The following ARIH2 variants were observed in gnomAD, a reference collection of about 807,000 sequenced individuals.
The protein encoded by ARIH2 is E3 ubiquitin-protein ligase ARIH2.
Under a neutral mutation model 79.8 loss-of-function variants are expected in ARIH2, and 12 were observed. The observed-to-expected ratio is 0.15, with a 90% CI of 0.10 to 0.24. The LOEUF is 0.24. Ranked by LOEUF, ARIH2 falls within the 10% of genes least tolerant of loss-of-function variation. The pLI is 1.00. For missense variants in ARIH2, 301 were observed against 618.3 expected, an observed-to-expected ratio of 0.49 and a Z score of 5.44; for synonymous variants, 224 against 213.9, an observed-to-expected ratio of 1.05 and a Z score of -0.41.
intron 3 of ARIH2, among the ~76,000 whole-genome samples, chr3:48,929,305 A>G (rs1481043185): frequency 1.3e-5 from 2 of 150,930 alleles, no homozygotes; most frequent in African/African-American, 4.9e-5. Flanking sequence ...TGAGGGGCCC[A>G]AGCACCTGTC....
intron 3 of ARIH2, among the ~76,000 whole-genome samples, chr3:48,936,904 T>C (rs1245455612): frequency 2.0e-5 from 3 of 151,540 alleles, no homozygotes; most frequent in South Asian, 4.2e-4. Context: ...GGCAGGCGCC[T>C]ATAGTCCCAG....
intron 11 of ARIH2, among the ~76,000 whole-genome samples, chr3:48,978,186 G>T (rs2092605564): frequency 6.6e-6 from 1 of 151,798 alleles, no homozygotes; most frequent in Non-Finnish European, 1.5e-5. Context: ...CAAAACTGTG[G>T]TTGGCTTCTC....
chr3:48,960,255 T>C (rs978107232), intron 3 of ARIH2, among the ~76,000 whole-genome samples: 1 of 152,162 alleles, frequency 6.6e-6, no homozygotes, highest in Non-Finnish European at 1.5e-5. Context: ...GATTATAACA[T>C]GTAGATGCTT....
intron 12 of ARIH2, 200 bp downstream of exon 12, chr3:48,979,833 G>T (rs1377255394): frequency 2.8e-5 from 15 of 534,804 alleles, no homozygotes; most frequent in Non-Finnish European, 1.9e-5. Context: ...CAACAGGGAA[G>T]GACCTGGTAC....
Position 48,974,880 on chromosome 3 carries a change from C to T in ARIH2, c.939+13C>T, listed in dbSNP as rs1441246666. 1 of 1,614,170 alleles carries T rather than the reference C, an allele frequency of 6.2e-7. No homozygotes were observed. Among genetic ancestry groups the T allele is most frequent in the Non-Finnish European group, 8.5e-7 (1 of 1,180,020 alleles). Reference sequence around the variant, plus strand: ...CTGCAATCACATGGTGAGCAGAAGCCTCTGCAGTTTGCATGTGTGACATGG... The same window carrying T: ...CTGCAATCACATGGTGAGCAGAAGCTTCTGCAGTTTGCATGTGTGACATGG... On this transcript the variant is annotated intron_variant, in intron 10 of 15. Transcript: ENST00000356401.
intron 3 of ARIH2, among the ~76,000 whole-genome samples, chr3:48,939,087 C>T (rs1289893361): frequency 2.0e-5 from 3 of 151,992 alleles, no homozygotes; most frequent in Non-Finnish European, 4.4e-5. Context: ...CCTGCCTCAG[C>T]CTCCTGAGTA....
intron 3 of ARIH2, among the ~76,000 whole-genome samples, chr3:48,937,904 G>C (rs901351243): frequency 6.6e-6 from 1 of 151,978 alleles, no homozygotes; most frequent in Admixed American, 6.6e-5. Context: ...AAAATTAGCC[G>C]GTCGTAGTGG....
Position 48,931,074 on chromosome 3 carries a change from T to A in ARIH2, c.255+3261T>A, listed in dbSNP as rs1274360978. On this transcript the variant is annotated intron_variant, in intron 3 of 15. Coordinates refer to ENST00000356401, the MANE Select transcript of ARIH2 (RefSeq NM_006321.4). Reference sequence around the variant, plus strand: ...CCATTTGGGATTTGAAGTCTCTTTTTAAAAATTATTATTTAAAAAAAAATT... The same window carrying A: ...CCATTTGGGATTTGAAGTCTCTTTTAAAAAATTATTATTTAAAAAAAAATT... 2.6e-5 allele frequency among the ~76,000 whole-genome samples: 4 copies of A among 152,232 alleles called. No homozygotes were observed. The South Asian group carries it at 6.2e-4, about 24-fold the overall frequency.
chr3:48,981,472 G>A (rs534238353), intron 13 of ARIH2, among the ~76,000 whole-genome samples, 188 bp from the exon 14 acceptor site: 2 of 152,228 alleles, frequency 1.3e-5, no homozygotes, highest in South Asian at 2.1e-4. Flanking sequence ...TGTGACCATC[G>A]TTGTTTGTTT....
At position 48,984,311 on chromosome 3, in the gene ARIH2, CT is replaced by C. The variant is rs1452434684; in HGVS notation, c.*1044del. The C allele has an allele frequency of 1.3e-5, 2 of 152,654 alleles. No individual in the cohort carries two copies. The highest frequency in any genetic ancestry group is 4.8e-5 in the African/African-American group (2 of 41,428). The allele number at this position is 152,654 out of a possible 1,614,324, so 9.5% of individuals were successfully genotyped here. A position where few individuals can be genotyped will look rare whatever the true frequency, so the allele number is the denominator to read the frequency against. ...GGATAGCCCTTCCTAGGGCACTGGA[CT>C]TTCTGGCATGGGGGCTGTGTTTGCA... On this transcript the variant is annotated 3_prime_UTR_variant, in exon 16 of 16. Coordinates refer to ENST00000356401, the MANE Select transcript of ARIH2 (RefSeq NM_006321.4).
At chr3:48,945,097 T>C (rs1410908060) in intron 3 of ARIH2, 1 of 1,288,582 alleles carries the variant, frequency 7.8e-7, no homozygotes, top group East Asian at 5.5e-5. Flanking sequence ...AAGTAAGAAT[T>C]CTAAATAAAA....
intron 3 of ARIH2, among the ~76,000 whole-genome samples, chr3:48,928,753 G>C (rs1379831453): frequency 6.6e-6 from 1 of 151,478 alleles, no homozygotes; most frequent in Admixed American, 6.6e-5. Flanking sequence ...TCCCCAGATG[G>C]TTGGCAAAGG....
intron 12 of ARIH2, 107 bp from the exon 13 acceptor site, chr3:48,980,246 A>G: frequency 8.9e-7 from 1 of 1,126,550 alleles, no homozygotes; most frequent in East Asian, 2.4e-5. Context: ...AAGTTAGAGG[A>G]GTCTGTGGCC....
rs2107731262 is a variant in ARIH2 at position 48,985,850 on chromosome 3, G to A, written c.*2580G>A. On this transcript the variant is annotated 3_prime_UTR_variant, in exon 16 of 16. Coordinates refer to ENST00000356401, the MANE Select transcript of ARIH2 (RefSeq NM_006321.4). ...GTTGTGGTAGAGTACTGATATAAAT[G>A]TCCCAACCCCCCCATTCTGAGACCT... 1 of 152,302 alleles carries A rather than the reference G, an allele frequency of 6.6e-6. No homozygotes were observed. 9.4% of individuals were successfully genotyped at this position (152,302 alleles called of 1,614,324 possible).
chr3:48,934,763 C>T (rs2086883306), intron 3 of ARIH2: 2 of 985,276 alleles, frequency 2.0e-6, no homozygotes, highest in Admixed American at 6.2e-5. Flanking sequence ...GCAAAGATGT[C>T]CTTGTCTTGC....
chr3:48,965,250 C>T (rs1038889707), intron 5 of ARIH2, among the ~76,000 whole-genome samples: 1 of 151,820 alleles, frequency 6.6e-6, no homozygotes, highest in African/African-American at 2.4e-5. Flanking sequence ...GTCCCAGCTA[C>T]TCGGGAGGCT....
intron 12 of ARIH2, 28 bp downstream of exon 12, chr3:48,979,661 T>C (rs1032706813): frequency 6.2e-7 from 1 of 1,611,444 alleles, no homozygotes; most frequent in Non-Finnish European, 8.5e-7. Context: ...TACCTTCCCC[T>C]ACAGGGTAGG....
chr3:48,979,668 T>C, intron 12 of ARIH2, 35 bp downstream of exon 12: 2 of 1,608,410 alleles, frequency 1.2e-6, no homozygotes, highest in Middle Eastern at 1.8e-4. Context: ...CCCTACAGGG[T>C]AGGCTTCTTC....
At chr3:48,970,841 G>A in intron 8 of ARIH2, 137 bp downstream of exon 8, 2 of 623,350 alleles carry the variant, frequency 3.2e-6, no homozygotes, top group Non-Finnish European at 5.8e-6. Context: ...GCTCCAAGTG[G>A]GTAGGTTTAT....
Sources: gnomAD v4.1 joint callset for allele counts (sites outside exome capture counted in the v4.1 genomes callset) on GRCh38, gnomAD v4.1.1 for gene constraint, MANE v1.5 for transcripts, NCBI Gene and HGNC (gene_info 2026-07-23, HGNC 2026-07-21) for gene names.